GAB1: variants seen among roughly 807,000 people sequenced by gnomAD.
The protein encoded by GAB1 is GRB2-associated-binding protein 1.
GAB1 carries 19 observed loss-of-function variants against 66.5 expected under a neutral mutation model. That is an observed-to-expected ratio of 0.29 (90% CI 0.20 to 0.42). The LOEUF (loss-of-function observed/expected upper bound fraction) is 0.42. Ranked by LOEUF, GAB1 falls within the 10% of genes least tolerant of loss-of-function variation. The probability of loss-of-function intolerance (pLI) is 1.00; values close to 1 mark genes in which losing one functional copy is unlikely to be tolerated. For synonymous variants in GAB1, 294 were observed against 301.4 expected (o/e 0.98, Z 0.25); for missense variants, 732 against 858.5 (o/e 0.85, Z 1.84).
rs1232584540 is a variant in GAB1, at chr4:143,474,032, G to A, written c.*4843G>A. 1.3e-5 allele frequency: 2 copies of A among 152,104 alleles called. No homozygotes were observed. Among genetic ancestry groups the A allele is most frequent in the East Asian group, 1.9e-4 (1 of 5,200 alleles). 9.4% of individuals were successfully genotyped at this position (152,104 alleles called of 1,614,324 possible). On this transcript the variant is annotated 3_prime_UTR_variant, in exon 10 of 10. Transcript: ENST00000262994. Reference sequence around the variant, plus strand: ...TTGCAGTTTCTGTTAGAATTTTTTGGAGACTAACTTGCCAATTCTGTGAAT... The same window carrying A: ...TTGCAGTTTCTGTTAGAATTTTTTGAAGACTAACTTGCCAATTCTGTGAAT...
At chr4:143,417,331 C>T (rs1029450955) in intron 2 of GAB1, 4 of 329,910 alleles carry the variant, frequency 1.2e-5, no homozygotes, top group East Asian at 9.3e-5. Flanking sequence ...GGTGCCTATC[C>T]TGGAAAGAGC....
intron 1 of GAB1, among the ~76,000 whole-genome samples, chr4:143,377,588 T>G (rs1386574600): frequency 6.6e-6 from 1 of 152,214 alleles, no homozygotes; most frequent in Non-Finnish European, 1.5e-5. Flanking sequence ...ATCATTATGA[T>G]ATTATGCTAA....
intron 1 of GAB1, among the ~76,000 whole-genome samples, chr4:143,367,120 A>G (rs1729914005): frequency 1.3e-5 from 2 of 152,190 alleles, no homozygotes; most frequent in Non-Finnish European, 2.9e-5. Flanking sequence ...TTCTGTTGGT[A>G]TCAGAAATAG....
intron 1 of GAB1, among the ~76,000 whole-genome samples, chr4:143,369,749 A>G (rs1320404495): frequency 5.3e-5 from 8 of 152,250 alleles, no homozygotes; most frequent in Admixed American, 6.5e-5. Flanking sequence ...GGAAGCTGCT[A>G]TTACAGAAGG....
intron 1 of GAB1, among the ~76,000 whole-genome samples, chr4:143,393,425 C>T (rs1731283548): frequency 6.6e-6 from 1 of 152,120 alleles, no homozygotes; most frequent in Non-Finnish European, 1.5e-5. Flanking sequence ...CCTGGCTTTA[C>T]TATTTCCAGT....
chr4:143,437,613 C>T (rs867316322), intron 3 of GAB1, among the ~76,000 whole-genome samples: 1 of 152,150 alleles, frequency 6.6e-6, no homozygotes, highest in Non-Finnish European at 1.5e-5. Flanking sequence ...TGTACTAGCA[C>T]TAGGTTTTTG....
intron 1 of GAB1, among the ~76,000 whole-genome samples, chr4:143,379,597 C>T (rs1446923144): frequency 2.6e-5 from 4 of 152,066 alleles, no homozygotes; most frequent in Non-Finnish European, 4.4e-5. Flanking sequence ...ACCGGCTGAT[C>T]GATTGCTTGA....
chr4:143,430,251 C>T (rs1001883306), intron 2 of GAB1, among the ~76,000 whole-genome samples: 7 of 152,080 alleles, frequency 4.6e-5, no homozygotes, highest in African/African-American at 1.7e-4. Flanking sequence ...ACAGTAGTTA[C>T]AGTCAGAAAC....
chr4:143,390,332 C>T (rs1004324620), intron 1 of GAB1, among the ~76,000 whole-genome samples: 4 of 151,666 alleles, frequency 2.6e-5, no homozygotes, highest in Non-Finnish European at 5.9e-5. Flanking sequence ...CATAATGTTT[C>T]TGCTCTGGGT....
intron 1 of GAB1, among the ~76,000 whole-genome samples, chr4:143,346,754 G>A (rs939425511): frequency 6.6e-6 from 1 of 152,174 alleles, no homozygotes; most frequent in Non-Finnish European, 1.5e-5. Flanking sequence ...TTGAAGTGTT[G>A]AGAAAAGGTA....
intron 9 of GAB1, 115 bp downstream of exon 9, chr4:143,466,340 T>A: frequency 1.0e-6 from 1 of 1,001,928 alleles, no homozygotes; most frequent in Non-Finnish European, 1.4e-6. Flanking sequence ...AAATTTAGTC[T>A]GGTCTGCTAC....
chr4:143,409,387 C>CT (rs967235081), intron 1 of GAB1, among the ~76,000 whole-genome samples: 3 of 129,136 alleles, frequency 2.3e-5, no homozygotes, highest in African/African-American at 9.7e-5. Flanking sequence ...TTTGAACTTT[C>CT]CCCCCCCCCG....
chr4:143,397,576 T>G (rs554042223), intron 1 of GAB1, among the ~76,000 whole-genome samples: 2 of 152,352 alleles, frequency 1.3e-5, no homozygotes, highest in Admixed American at 6.5e-5. Flanking sequence ...TATCATAATG[T>G]TAGTGTATTT....
At chr4:143,452,410 A>G (rs866145293) in intron 6 of GAB1, among the ~76,000 whole-genome samples, 2 of 152,218 alleles carry the variant, frequency 1.3e-5, no homozygotes, top group African/African-American at 2.4e-5. Flanking sequence ...TCTAGATGGC[A>G]TATATTTTCT....
chr4:143,347,894 T>C (rs1729041284), intron 1 of GAB1, among the ~76,000 whole-genome samples: 1 of 152,262 alleles, frequency 6.6e-6, no homozygotes, highest in South Asian at 2.1e-4. Context: ...TCTTGCATTG[T>C]TGTTTACATT....
At chr4:143,397,028 G>C (rs1003699567) in intron 1 of GAB1, among the ~76,000 whole-genome samples, 1 of 152,146 alleles carries the variant, frequency 6.6e-6, no homozygotes, top group Non-Finnish European at 1.5e-5. Flanking sequence ...TGGGGTGATC[G>C]TGTTGCCTGA....
At position 143,440,067 on chromosome 4, in the gene GAB1, T is replaced by A. The variant is rs749080077; in HGVS notation, c.1282-12T>A. 2 of 1,605,028 alleles carry A rather than the reference T, an allele frequency of 1.2e-6. No homozygotes were observed. Among genetic ancestry groups the A allele is most frequent in the Non-Finnish European group, 8.5e-7 (1 of 1,174,510 alleles). ...GTTTTTGTTTATTAAAAGAAATATA[T>A]ATGTGTTTTAGAAAGTCAAAAATGT... On this transcript the variant is annotated splice_polypyrimidine_tract_variant and intron_variant, in intron 5 of 9. Coordinates refer to ENST00000262994, the MANE Select transcript of GAB1 (RefSeq NM_002039.4).
intron 1 of GAB1, among the ~76,000 whole-genome samples, chr4:143,384,039 C>A (rs1730778179): frequency 6.6e-6 from 1 of 151,982 alleles, no homozygotes; most frequent in African/African-American, 2.4e-5. Flanking sequence ...CACCACTGCA[C>A]TCCAGCCTGG....
At chr4:143,423,999 T>C (rs1733193714) in intron 2 of GAB1, among the ~76,000 whole-genome samples, 1 of 151,556 alleles carries the variant, frequency 6.6e-6, no homozygotes, top group Admixed American at 6.6e-5. Flanking sequence ...AATGAGATGG[T>C]CCTATTGTGT....
Sources: allele counts gnomAD v4.1 joint callset (sites outside exome capture counted in the v4.1 genomes callset), GRCh38; gene constraint gnomAD v4.1.1; transcripts MANE v1.5; gene names NCBI Gene and HGNC (gene_info 2026-07-23, HGNC 2026-07-21).